ALG14: variants seen among roughly 807,000 people sequenced by gnomAD.
ALG14 encodes UDP-N-acetylglucosamine transferase subunit ALG14.
A neutral mutation model predicts 22.8 loss-of-function variants in ALG14; 17 were observed. The observed-to-expected ratio is 0.75, with a 90% confidence interval of 0.51 to 1.12. ALG14 has a LOEUF of 1.12. Ranked by LOEUF, ALG14 falls within the 50% of genes most tolerant of loss-of-function variation. The probability of loss-of-function intolerance (pLI) is 0.00; values close to 1 mark genes in which losing one functional copy is unlikely to be tolerated. For synonymous variants in ALG14, 89 were observed against 103.7 expected (o/e 0.86, Z 0.86); for missense variants, 288 against 271.8 (o/e 1.06, Z -0.42).
In ALG14 at chr1:94,984,155, T is replaced by C. The variant is rs925270136; in HGVS notation, c.421-849A>G. Reference sequence around the variant, plus strand: ...CATTTTACACAACATCTTAATTATATGCTCATGTTGACTGAATTAGTAAAA... The same window carrying C: ...CATTTTACACAACATCTTAATTATACGCTCATGTTGACTGAATTAGTAAAA... On this transcript the variant is annotated intron_variant, in intron 3 of 3. Transcript: ENST00000370205. Among the ~76,000 whole-genome samples, 5 of 152,342 alleles carry C rather than the reference T, an allele frequency of 3.3e-5. 1 individual carries two copies.
At chr1:95,014,821 C>T (rs1181472032) in intron 3 of ALG14, among the ~76,000 whole-genome samples, 4 of 152,070 alleles carry the variant, frequency 2.6e-5, no homozygotes, top group Admixed American at 6.6e-5. Flanking sequence ...GAAAGTCTTG[C>T]ACCATATTAA....
chr1:95,005,557 T>G (rs533693274), intron 3 of ALG14, among the ~76,000 whole-genome samples: 2 of 152,324 alleles, frequency 1.3e-5, no homozygotes, highest in African/African-American at 4.8e-5. Flanking sequence ...AGATGGTATC[T>G]TAGTTCAATT....
chr1:94,983,593 C>T (rs960043546), intron 3 of ALG14: 5 of 387,356 alleles, frequency 1.3e-5, no homozygotes, highest in South Asian at 6.4e-5. Context: ...CAGCACTCAT[C>T]GGACAGGCAT....
chr1:94,993,899 TAC>T (rs974049155), intron 3 of ALG14, among the ~76,000 whole-genome samples: 1 of 152,200 alleles, frequency 6.6e-6, no homozygotes, highest in Non-Finnish European at 1.5e-5. Flanking sequence ...CCCAACGTGC[TAC>T]ACAGTCTGCA....
intron 3 of ALG14, among the ~76,000 whole-genome samples, chr1:95,024,119 C>A (rs931856174): frequency 3.3e-5 from 5 of 152,154 alleles, no homozygotes; most frequent in African/African-American, 7.2e-5. Flanking sequence ...AATATGAGAT[C>A]AGCCTACTCA....
chr1:95,047,184 T>C (rs1213796844), intron 2 of ALG14, among the ~76,000 whole-genome samples: 2 of 152,144 alleles, frequency 1.3e-5, no homozygotes, highest in East Asian at 3.8e-4. Context: ...TCTAGGGTTA[T>C]ATGTATGTGT....
chr1:95,072,663 A>T, intron 1 of ALG14, 100 bp downstream of exon 1: 1 of 1,487,606 alleles, frequency 6.7e-7, no homozygotes, highest in Non-Finnish European at 9.1e-7. Context: ...TGCATGCAAC[A>T]CTCCAAGAAG....
chr1:95,057,764 A>G (rs773649949), intron 2 of ALG14, among the ~76,000 whole-genome samples: 9 of 151,830 alleles, frequency 5.9e-5, no homozygotes, highest in Non-Finnish European at 1.3e-4. Flanking sequence ...GTAAGAGTCC[A>G]CTGAATTCAA....
intron 2 of ALG14, among the ~76,000 whole-genome samples, chr1:95,056,163 A>G (rs889718737): frequency 2.6e-5 from 4 of 152,176 alleles, no homozygotes; most frequent in Non-Finnish European, 4.4e-5. Flanking sequence ...AGAAAAAAAA[A>G]GAATAGAGAG....
intron 3 of ALG14, among the ~76,000 whole-genome samples, chr1:94,992,739 C>T (rs763098622): frequency 1.3e-5 from 2 of 152,108 alleles, no homozygotes; most frequent in Non-Finnish European, 2.9e-5. Flanking sequence ...AACATATTCT[C>T]TTCTTGGGAA....
intron 2 of ALG14, among the ~76,000 whole-genome samples, chr1:95,047,751 A>G (rs1032311145): frequency 6.6e-6 from 1 of 152,118 alleles, no homozygotes; most frequent in African/African-American, 2.4e-5. Context: ...AAGCTCAGGT[A>G]GGAGAATTGC....
Position 95,033,420 on chromosome 1 carries a change from T to TACACACAC in ALG14, c.289-6168_289-6161dup, listed in dbSNP as rs374040999. On this transcript the variant is annotated intron_variant, in intron 2 of 3. Coordinates refer to ENST00000370205, the MANE Select transcript of ALG14 (RefSeq NM_144988.4). Reference sequence around the variant, plus strand: ...ATACATACATATATATATATATATATACACACACACACACACACACACACA... The same window carrying TACACACAC: ...ATACATACATATATATATATATATATACACACACACACACACACACACACACACACACA... Among the ~76,000 whole-genome samples, 289 of 139,656 alleles carry TACACACAC rather than the reference T, an allele frequency of 2.1e-3. 1 individual carries two copies. The highest frequency in any genetic ancestry group is 7.0e-3 in the African/African-American group (260 of 37,054). 91.6% of individuals were successfully genotyped at this position (139,656 alleles called of 152,430 possible).
intron 3 of ALG14, among the ~76,000 whole-genome samples, chr1:94,986,676 T>C (rs1672652937): frequency 6.6e-6 from 1 of 152,060 alleles, no homozygotes; most frequent in Admixed American, 6.6e-5. Flanking sequence ...TTTCACCATG[T>C]TGGCCAGGAT....
intron 2 of ALG14, among the ~76,000 whole-genome samples, chr1:95,038,121 T>C (rs10735790): frequency 0.65 from 98,858 of 152,048 alleles, 33,405 homozygotes; most frequent in African/African-American, 0.83. Context: ...ATACGTGGAT[T>C]GCCTGAAGGT....
In ALG14 at chr1:95,032,047, G is replaced by A. The variant is rs186774340; in HGVS notation, c.289-4787C>T. On this transcript the variant is annotated intron_variant, in intron 2 of 3. Transcript: ENST00000370205. Reference sequence around the variant, plus strand: ...TGGTCTCCAACTCCGGACCTCAGGTGATCTGCCCACCTCGGCCTCCCAAAG... The same window carrying A: ...TGGTCTCCAACTCCGGACCTCAGGTAATCTGCCCACCTCGGCCTCCCAAAG... Among the ~76,000 whole-genome samples the A allele has an allele frequency of 4.9e-3, 748 of 152,220 alleles. 2 individuals are homozygous for A. Among genetic ancestry groups the A allele is most frequent in the Non-Finnish European group, 7.2e-3 (488 of 68,018 alleles).
chr1:94,983,405 A>G lies in ALG14; in HGVS notation c.421-99T>C. ...GCCTGATTTCAGAGGGGATCTGCTT[A>G]TGATTCTAATAAGTCCTTCTCTGTC... On this transcript the variant is annotated intron_variant, in intron 3 of 3. Transcript: ENST00000370205. The G allele has an allele frequency of 1.8e-5, 17 of 959,598 alleles. 1 individual carries two copies. In the South Asian group the frequency reaches 2.8e-4, roughly 16 times the overall value. The allele number at this position is 959,598 out of a possible 1,614,324, so 59.4% of individuals were successfully genotyped here.
rs140713347 is a variant in ALG14, at chr1:95,026,700, G to A, written c.420+429C>T. ...TCCCAGCACTTTGGGAGGCCGAGGC[G>A]GGCAGATTACTTGAGGTCAGGAGTT... On this transcript the variant is annotated intron_variant, in intron 3 of 3. Coordinates refer to ENST00000370205, the MANE Select transcript of ALG14 (RefSeq NM_144988.4). 1.6e-4 allele frequency among the ~76,000 whole-genome samples: 24 copies of A among 152,204 alleles called. No individual in the cohort carries two copies. In the East Asian group the frequency reaches 2.7e-3, roughly 17 times the overall value.
chr1:95,068,746 G>A (rs1389512854), intron 1 of ALG14, among the ~76,000 whole-genome samples: 1 of 152,038 alleles, frequency 6.6e-6, no homozygotes, highest in Non-Finnish European at 1.5e-5. Flanking sequence ...GTTCTTTCAG[G>A]CCCTTGATAC....
chr1:94,985,326 T>C (rs559018845), intron 3 of ALG14, among the ~76,000 whole-genome samples: 111 of 152,356 alleles, frequency 7.3e-4, no homozygotes, highest in Non-Finnish European at 1.2e-3. Flanking sequence ...ATTTTAGTTA[T>C]GGGGGCCTGT....
Sources: allele counts gnomAD v4.1 joint callset (sites outside exome capture counted in the v4.1 genomes callset), GRCh38; gene constraint gnomAD v4.1.1; transcripts MANE v1.5; gene names NCBI Gene and HGNC (gene_info 2026-07-23, HGNC 2026-07-21).